GIPR: variants seen among roughly 807,000 people sequenced by gnomAD.
GIPR encodes GIP-R.
GIPR carries 74 observed loss-of-function variants against 62.2 expected under a neutral mutation model. The observed-to-expected ratio is 1.19, with a 90% CI of 0.99 to 1.44. The LOEUF (loss-of-function observed/expected upper bound fraction) is 1.44. GIPR is among the 40% of genes most tolerant of loss of function. The pLI is 0.00. For missense variants in GIPR, 664 were observed against 611.8 expected, an observed-to-expected ratio of 1.09 and a Z score of -0.90; for synonymous variants, 256 against 262.2, an observed-to-expected ratio of 0.98 and a Z score of 0.23.
intron 4 of GIPR, among the ~76,000 whole-genome samples, chr19:45,671,778 CT>C (rs34403425): frequency 5.4e-5 from 8 of 149,436 alleles, no homozygotes; most frequent in African/African-American, 2.0e-4. Context: ...CCACACCCGG[CT>C]TTTTTTTTAT....
chr19:45,678,240 G>GTGCAGGGGCTCCA lies in GIPR; in HGVS notation c.1152+16_1152+28dup. 6.4e-7 allele frequency: 1 copy of GTGCAGGGGCTCCA among 1,551,510 alleles called. No homozygotes were observed. The highest frequency in any genetic ancestry group is 8.7e-7 in the Non-Finnish European group (1 of 1,149,522). The stretch of plus-strand genomic sequence containing the variant: ...AGCTCCTTCCAGGTGCTCAGGCAGG[G>GTGCAGGGGCTCCA]TGCAGGGGCTCCATCCTTCCACCCA... On this transcript the variant is annotated intron_variant, in intron 12 of 13. Coordinates refer to ENST00000590918, the MANE Select transcript of GIPR (RefSeq NM_000164.4).
chr19:45,668,618 T>C (rs1194449447), intron 1 of GIPR, among the ~76,000 whole-genome samples: 1 of 152,204 alleles, frequency 6.6e-6, no homozygotes, highest in Non-Finnish European at 1.5e-5. Context: ...TCCCTCCGTC[T>C]CTGCGCCTCT....
chr19:45,682,175 C>T lies in GIPR; in HGVS notation c.*240C>T, dbSNP rs897716369. The T allele has an allele frequency of 1.5e-5, 8 of 537,612 alleles. No homozygotes were observed. Among genetic ancestry groups the T allele is most frequent in the African/African-American group, 2.0e-5 (1 of 50,002 alleles). 33.3% of individuals were successfully genotyped at this position (537,612 alleles called of 1,614,324 possible). On this transcript the variant is annotated 3_prime_UTR_variant, in exon 14 of 14. Transcript: ENST00000590918. ...AGGGGGCCTAGGGTGGTCTGGGAGGCGTCTCCAAGGAGGTGACACTTAAGC... is the reference window on the plus strand; with the variant it reads ...AGGGGGCCTAGGGTGGTCTGGGAGGTGTCTCCAAGGAGGTGACACTTAAGC...
At chr19:45,672,456 G>A (rs1323661189) in intron 4 of GIPR, among the ~76,000 whole-genome samples, 1 of 152,044 alleles carries the variant, frequency 6.6e-6, no homozygotes, top group African/African-American at 2.4e-5. Context: ...ACAGGCGCAC[G>A]CCACCACACC....
At position 45,669,405 on chromosome 19, in the gene GIPR, T is replaced by C. The variant is rs975978094; in HGVS notation, c.-44-72T>C. The C allele has an allele frequency of 8.6e-5, 124 of 1,434,344 alleles. No homozygotes were observed. In the African/African-American group the frequency reaches 1.4e-3, roughly 17 times the overall value. The allele number at this position is 1,434,344 out of a possible 1,614,324, so 88.9% of individuals were successfully genotyped here. ...CCAGCCGTCTGCCCCTGTGTGTGAA[T>C]CCCTGAGGCGGGGTGACGCTGGGGT... is the stretch of plus-strand genomic sequence containing the variant. On this transcript the variant is annotated intron_variant, in intron 1 of 13. Transcript: ENST00000590918.
chr19:45,677,264 G>A, intron 8 of GIPR, 59 bp from the exon 9 acceptor site: 1 of 1,387,572 alleles, frequency 7.2e-7, no homozygotes, highest in Non-Finnish European at 9.9e-7. Context: ...GCCTGGCGGG[G>A]CCCGTGAGCG....
At position 45,681,525 on chromosome 19, in the gene GIPR, A is replaced by C. The variant is rs182357861; in HGVS notation, c.1153-79A>C. ...AAACAAACAAACAAACAAACAAACA[A>C]AAAACGGGGAGGGAGGCGCGGAGGC... is the stretch of plus-strand genomic sequence containing the variant. On this transcript the variant is annotated intron_variant, in intron 12 of 13. Coordinates refer to ENST00000590918, the MANE Select transcript of GIPR (RefSeq NM_000164.4). 8.4e-3 allele frequency: 10,317 copies of C among 1,232,832 alleles called. 79 individuals are homozygous for C. Among genetic ancestry groups the C allele is most frequent in the Non-Finnish European group, 8.6e-3 (7,155 of 835,930 alleles). The allele number at this position is 1,232,832 out of a possible 1,614,324, so 76.4% of individuals were successfully genotyped here.
intron 6 of GIPR, 86 bp from the exon 7 acceptor site, chr19:45,674,596 G>A (rs1975732423): frequency 1.6e-6 from 2 of 1,217,474 alleles, no homozygotes; most frequent in Middle Eastern, 1.9e-4. Flanking sequence ...GACAGAGTGA[G>A]ACCCTGTTTA....
chr19:45,675,767 A>C (rs181482056), intron 7 of GIPR, among the ~76,000 whole-genome samples: 2 of 152,008 alleles, frequency 1.3e-5, no homozygotes, highest in Admixed American at 1.3e-4. Flanking sequence ...CCTCGCCTGT[A>C]CTCCCAGCTA....
chr19:45,674,015 T>C, intron 5 of GIPR, 59 bp from the exon 6 acceptor site: 2 of 953,694 alleles, frequency 2.1e-6, no homozygotes, highest in Non-Finnish European at 1.7e-6. Flanking sequence ...TTCCAGTCTC[T>C]CTCTGGGCCT....
At chr19:45,681,426 T>C (rs961874002) in intron 12 of GIPR, among the ~76,000 whole-genome samples, 178 bp from the exon 13 acceptor site, 1 of 151,356 alleles carries the variant, frequency 6.6e-6, no homozygotes, top group Non-Finnish European at 1.5e-5. Flanking sequence ...ACCCGGGAGG[T>C]AGAGGTTGCC....
intron 2 of GIPR, 116 bp from the exon 3 acceptor site, chr19:45,670,519 C>T: frequency 1.5e-6 from 1 of 687,856 alleles, no homozygotes. Context: ...CCAAGACTCC[C>T]GAACAACACG....
chr19:45,677,160 C>T (rs1461283507), intron 8 of GIPR, 52 bp downstream of exon 8: 9 of 1,583,018 alleles, frequency 5.7e-6, no homozygotes, highest in African/African-American at 1.3e-5. Context: ...TCCTCGGCTC[C>T]CCCAACTGCC....
At chr19:45,676,315 A>G (rs981578046) in intron 7 of GIPR, among the ~76,000 whole-genome samples, 15 of 151,788 alleles carry the variant, frequency 9.9e-5, no homozygotes, top group African/African-American at 3.6e-4. Flanking sequence ...CAGAGGTCAC[A>G]TTTTGGGGAT....
At chr19:45,674,028 G>C (rs1330412162) in intron 5 of GIPR, 46 bp from the exon 6 acceptor site, 2 of 1,102,714 alleles carry the variant, frequency 1.8e-6, no homozygotes. Context: ...CTGGGCCTGG[G>C]GCTTCGAGCC....
chr19:45,671,091 A>C (rs1975513347), intron 3 of GIPR, among the ~76,000 whole-genome samples, 194 bp from the exon 4 acceptor site: 1 of 151,482 alleles, frequency 6.6e-6, no homozygotes, highest in Non-Finnish European at 1.5e-5. Flanking sequence ...CGGAGCTTTG[A>C]GGCTGGTGGG....
At chr19:45,670,904 G>T (rs1312711413) in intron 3 of GIPR, among the ~76,000 whole-genome samples, 170 bp downstream of exon 3, 1 of 152,060 alleles carries the variant, frequency 6.6e-6, no homozygotes, top group Non-Finnish European at 1.5e-5. Flanking sequence ...ACGGTTCCTG[G>T]GGGAGGCCTG....
At chr19:45,674,922 C>T (rs1975754016) in intron 7 of GIPR, 96 bp downstream of exon 7, 2 of 1,232,312 alleles carry the variant, frequency 1.6e-6, no homozygotes, top group Middle Eastern at 1.9e-4. Flanking sequence ...ACACTCTCCA[C>T]AGTTTATCTG....
At chr19:45,672,010 T>C (rs536783891) in intron 4 of GIPR, among the ~76,000 whole-genome samples, 5 of 148,146 alleles carry the variant, frequency 3.4e-5, no homozygotes, top group South Asian at 2.1e-4. Context: ...TCAGACACTT[T>C]ATTTATTTAA....
Sources: gnomAD v4.1 joint callset for allele counts (sites outside exome capture counted in the v4.1 genomes callset) on GRCh38, gnomAD v4.1.1 for gene constraint, MANE v1.5 for transcripts, NCBI Gene and HGNC (gene_info 2026-07-23, HGNC 2026-07-21) for gene names.